Variants in AR observed in about 807,000 individuals in gnomAD.
AR encodes dihydrotestosterone receptor.
In AR, 8 loss-of-function variants were observed where a neutral mutation model predicts 53.9. The ratio of observed to expected loss-of-function variants is 0.15; its 90% CI spans 0.09 to 0.27. The LOEUF (loss-of-function observed/expected upper bound fraction) is 0.27, where lower values mean the gene tolerates loss of function less well. Ranked by LOEUF, AR falls within the 10% of genes least tolerant of loss-of-function variation. AR has a pLI of 1.00. For synonymous variants in AR, 359 were observed against 316.4 expected, an observed-to-expected ratio of 1.13 and a Z score of -1.43; for missense variants, 639 against 742.5, an observed-to-expected ratio of 0.86 and a Z score of 1.62.
chrX:67,695,099 C>A, intron 3 of AR: 6 of 773,954 alleles, frequency 7.8e-6, no homozygotes, highest in African/African-American at 2.2e-5. Flanking sequence ...CTGGCTCAGT[C>A]GCTTGCTTTT....
intron 1 of AR, among the ~76,000 whole-genome samples, chrX:67,618,701 A>G (rs1924230655): frequency 9.0e-6 from 1 of 111,686 alleles, no homozygotes; most frequent in Admixed American, 9.5e-5. Context: ...AGAGTCAGGA[A>G]GGGCTTCATT....
intron 2 of AR, among the ~76,000 whole-genome samples, chrX:67,663,275 T>G (rs765541466): frequency 4.9e-4 from 55 of 112,286 alleles, no homozygotes; most frequent in Admixed American, 2.3e-3. Flanking sequence ...GTTGTTCCTT[T>G]CCATGTTTAG....
intron 3 of AR, among the ~76,000 whole-genome samples, chrX:67,706,444 T>C (rs753102465): frequency 8.9e-6 from 1 of 112,275 alleles, no homozygotes; most frequent in East Asian, 2.8e-4. Context: ...TAGAGGTATT[T>C]ATAGTATTCT....
chrX:67,723,623 A>C, intron 7 of AR, 63 bp from the exon 8 acceptor site: 1 of 1,155,977 alleles, frequency 8.7e-7, no homozygotes, highest in South Asian at 1.8e-5. Context: ...AGGTTGGGGA[A>C]GAGGCTAGCA....
At chrX:67,687,575 G>A (rs1439576448) in intron 3 of AR, among the ~76,000 whole-genome samples, 1 of 111,949 alleles carries the variant, frequency 8.9e-6, no homozygotes, top group Non-Finnish European at 1.9e-5. Flanking sequence ...CAGTGGAGAA[G>A]AAGTAGGACT....
chrX:67,709,112 G>C (rs1008538763), intron 3 of AR, among the ~76,000 whole-genome samples: 1 of 112,020 alleles, frequency 8.9e-6, no homozygotes, highest in African/African-American at 3.2e-5. Flanking sequence ...GAGGCAGTCT[G>C]TCCGTTCTCA....
At chrX:67,662,231 T>G (rs1322760398) in intron 2 of AR, among the ~76,000 whole-genome samples, 5 of 111,697 alleles carry the variant, frequency 4.5e-5, no homozygotes, top group Non-Finnish European at 9.4e-5. Flanking sequence ...TGCCTTCTGC[T>G]AGCTTTTGAA....
chrX:67,664,237 C>T (rs1351330629), intron 2 of AR, among the ~76,000 whole-genome samples: 1 of 111,461 alleles, frequency 9.0e-6, no homozygotes, highest in Non-Finnish European at 1.9e-5. Flanking sequence ...TGTTTTTTCC[C>T]CATCTTTGTG....
At chrX:67,646,183 T>C (rs1926048476) in intron 2 of AR, among the ~76,000 whole-genome samples, 2 of 111,374 alleles carry the variant, frequency 1.8e-5, no homozygotes, top group African/African-American at 6.5e-5. Context: ...TTAGCTTTGG[T>C]GGTTTATAAC....
At chrX:67,665,265 A>T (rs1927205546) in intron 2 of AR, among the ~76,000 whole-genome samples, 1 of 112,165 alleles carries the variant, frequency 8.9e-6, no homozygotes, top group African/African-American at 3.2e-5. Flanking sequence ...CAAAAATCTT[A>T]CTTTGGTTTC....
chrX:67,573,524 A>C (rs1214875870), intron 1 of AR, among the ~76,000 whole-genome samples: 1 of 111,496 alleles, frequency 9.0e-6, no homozygotes, highest in Non-Finnish European at 1.9e-5. Context: ...TGACTTCTGA[A>C]AGTCCCCCCT....
Position 67,694,583 on chromosome X carries a change from G to T in AR, c.1885+8457G>T, listed in dbSNP as rs940069070. 49 of 1,072,801 alleles carry T rather than the reference G, an allele frequency of 4.6e-5. 1 individual carries two copies. In the African/African-American group the frequency reaches 8.3e-4, roughly 18 times the overall value. The allele number at this position is 1,072,801 out of a possible 1,213,427, so 88.4% of individuals were successfully genotyped here. A position where few individuals can be genotyped will look rare whatever the true frequency, so the allele number is the denominator to read the frequency against. ...TTACATGCTGCTTCCTATGTTAGAG[G>T]ATCTGTCTTAGGCATCTGATTATGG... is the stretch of plus-strand genomic sequence containing the variant. On this transcript the variant is annotated intron_variant, in intron 3 of 7. Coordinates refer to ENST00000374690, the MANE Select transcript of AR (RefSeq NM_000044.6).
chrX:67,664,044 A>G (rs1260247670), intron 2 of AR, among the ~76,000 whole-genome samples: 1 of 110,456 alleles, frequency 9.1e-6, no homozygotes, highest in Non-Finnish European at 1.9e-5. Flanking sequence ...AAGGTTTTTA[A>G]CTTCTTTGCC....
At chrX:67,701,640 G>A (rs907558603) in intron 3 of AR, among the ~76,000 whole-genome samples, 3 of 109,568 alleles carry the variant, frequency 2.7e-5, no homozygotes, top group Admixed American at 9.7e-5. Flanking sequence ...AAGGCAGTAA[G>A]GCATTCATTT....
At chrX:67,629,966 A>C (rs1247960125) in intron 1 of AR, among the ~76,000 whole-genome samples, 44 of 109,782 alleles carry the variant, frequency 4.0e-4, no homozygotes, top group Non-Finnish European at 6.3e-4. Context: ...GATTCTTAAT[A>C]CTGAGTTCTA....
intron 1 of AR, among the ~76,000 whole-genome samples, chrX:67,562,002 G>T (rs1228644627): frequency 1.0e-5 from 1 of 97,280 alleles, no homozygotes; most frequent in South Asian, 5.5e-4. Flanking sequence ...GTGCAATGGC[G>T]CAATCTTGGC....
At chrX:67,638,429 C>T in intron 1 of AR, among the ~76,000 whole-genome samples, 2 of 111,982 alleles carry the variant, frequency 1.8e-5, no homozygotes, top group Admixed American at 1.9e-4. Flanking sequence ...AACTAATTTA[C>T]ACTCCCACCA....
intron 2 of AR, among the ~76,000 whole-genome samples, chrX:67,643,647 C>T (rs1981043093): frequency 8.9e-6 from 1 of 111,773 alleles, no homozygotes; most frequent in South Asian, 3.8e-4. Flanking sequence ...GGGCTTGGGG[C>T]TCAGTGGGTC....
At chrX:67,609,359 T>G (rs1241396631) in intron 1 of AR, among the ~76,000 whole-genome samples, 1 of 111,371 alleles carries the variant, frequency 9.0e-6, no homozygotes, top group African/African-American at 3.3e-5. Flanking sequence ...TTAAAGTACT[T>G]CTAGCAGCAT....
Sources: gnomAD v4.1 joint callset for allele counts (sites outside exome capture counted in the v4.1 genomes callset) on GRCh38, gnomAD v4.1.1 for gene constraint, MANE v1.5 for transcripts, NCBI Gene and HGNC (gene_info 2026-07-23, HGNC 2026-07-21) for gene names.